The following POLD3 variants were observed in gnomAD, a reference collection of about 807,000 sequenced individuals.
POLD3 encodes the protein DNA polymerase delta 3, accessory subunit.
In POLD3, 19 loss-of-function variants were observed where a neutral mutation model predicts 58.2. That is an observed-to-expected ratio of 0.33 (90% confidence interval 0.23 to 0.48). The LOEUF is 0.48. Among genes scored for constraint, POLD3 ranks in the 20% least tolerant of loss-of-function variants. The probability of loss-of-function intolerance (pLI) is 0.99; values close to 1 mark genes in which losing one functional copy is unlikely to be tolerated. For synonymous variants in POLD3, 172 were observed against 193.5 expected, an observed-to-expected ratio of 0.89 and a Z score of 0.92; for missense variants, 504 against 545.5, an observed-to-expected ratio of 0.92 and a Z score of 0.76.
chr11:74,655,551 T>TA (rs2033123245), intron 4 of POLD3, among the ~76,000 whole-genome samples: 2 of 152,108 alleles, frequency 1.3e-5, no homozygotes, highest in African/African-American at 4.8e-5. Flanking sequence ...ACCTAATTGA[T>TA]ATTTACGGAA....
At chr11:74,626,620 G>A (rs2032440132) in intron 8 of POLD3, among the ~76,000 whole-genome samples, 1 of 152,172 alleles carries the variant, frequency 6.6e-6, no homozygotes, top group African/African-American at 2.4e-5. Context: ...TGCTGGATTA[G>A]ATTTGTTAAT....
intron 11 of POLD3, among the ~76,000 whole-genome samples, chr11:74,639,668 C>T (rs1305982869): frequency 1.3e-5 from 2 of 150,920 alleles, no homozygotes; most frequent in African/African-American, 2.4e-5. Context: ...GGTTATGTGA[C>T]GTCATGGCTG....
intron 4 of POLD3, among the ~76,000 whole-genome samples, chr11:74,653,950 G>A (rs1045798737): frequency 3.9e-5 from 6 of 152,110 alleles, no homozygotes; most frequent in Non-Finnish European, 1.5e-5. Flanking sequence ...CATGGCAGAA[G>A]GTAAAGCAGG....
chr11:74,625,631 T>C, intron 8 of POLD3, 58 bp downstream of exon 8: 1 of 1,422,906 alleles, frequency 7.0e-7, no homozygotes, highest in East Asian at 2.4e-5. Flanking sequence ...AGAAGGTCTC[T>C]TTGGGCTTAT....
chr11:74,624,119 A>G (rs989936684), intron 7 of POLD3, among the ~76,000 whole-genome samples: 17 of 152,032 alleles, frequency 1.1e-4, no homozygotes, highest in African/African-American at 3.4e-4. Context: ...AAAACAATAT[A>G]ATTTATGTGA....
At chr11:74,649,926 ATGT>A (rs1282741077) in intron 4 of POLD3, among the ~76,000 whole-genome samples, 1 of 152,054 alleles carries the variant, frequency 6.6e-6, no homozygotes, top group African/African-American at 2.4e-5. Flanking sequence ...TCACTTTTTG[ATGT>A]TGTAGAAAGT....
At chr11:74,645,324 G>C (rs1424341405), downstream of POLD3, among the ~76,000 whole-genome samples, 2 of 152,164 alleles carry the variant, frequency 1.3e-5, no homozygotes, top group African/African-American at 4.8e-5. Context: ...TTAATTAATG[G>C]AGTTATTTCT....
intron 6 of POLD3, among the ~76,000 whole-genome samples, chr11:74,619,335 A>G (rs1176281903): frequency 6.6e-6 from 1 of 151,882 alleles, no homozygotes; most frequent in African/African-American, 2.4e-5. Context: ...TACTATTTTA[A>G]AAATCCAGAA....
At chr11:74,631,188 A>G (rs971163888) in intron 9 of POLD3, among the ~76,000 whole-genome samples, 1 of 152,236 alleles carries the variant, frequency 6.6e-6, no homozygotes, top group South Asian at 2.1e-4. Flanking sequence ...TGAATATGTC[A>G]TATTAGTTCA....
chr11:74,609,368 ATATATTTTT>A (rs2031818202), intron 3 of POLD3, among the ~76,000 whole-genome samples: 1 of 21,262 alleles, frequency 4.7e-5, no homozygotes, highest in African/African-American at 1.8e-4. Context: ...ATATATATAT[ATATATTTTT>A]TTTTTTTTTT....
intron 8 of POLD3, among the ~76,000 whole-genome samples, chr11:74,628,312 T>A (rs1462252575): frequency 6.6e-6 from 1 of 152,114 alleles, no homozygotes; most frequent in Non-Finnish European, 1.5e-5. Flanking sequence ...AACTTTGGCT[T>A]TGTTAATTTT....
intron 4 of POLD3, among the ~76,000 whole-genome samples, chr11:74,666,573 A>AG (rs2033271089): frequency 2.0e-5 from 3 of 152,048 alleles, no homozygotes; most frequent in African/African-American, 7.2e-5. Flanking sequence ...AGAGAGAGAG[A>AG]AAGAGGACCT....
At chr11:74,597,423 A>G (rs2031313805) in intron 2 of POLD3, among the ~76,000 whole-genome samples, 1 of 152,132 alleles carries the variant, frequency 6.6e-6, no homozygotes, top group Non-Finnish European at 1.5e-5. Flanking sequence ...GGTTATCACT[A>G]TGTTTAAGTT....
intron 4 of POLD3, among the ~76,000 whole-genome samples, chr11:74,653,160 A>C (rs960576539): frequency 6.6e-6 from 1 of 152,234 alleles, no homozygotes; most frequent in African/African-American, 2.4e-5. Context: ...TACAAAAGTA[A>C]TGGCAGTTTT....
chr11:74,651,730 G>T (rs1330741110), intron 4 of POLD3, among the ~76,000 whole-genome samples: 2 of 152,148 alleles, frequency 1.3e-5, no homozygotes, highest in African/African-American at 4.8e-5. Context: ...TCCAGGGTGG[G>T]CATGTGGCTG....
At chr11:74,599,835 G>A (rs193182600) in intron 2 of POLD3, among the ~76,000 whole-genome samples, 131 of 152,220 alleles carry the variant, frequency 8.6e-4, no homozygotes, top group Admixed American at 3.0e-3. Context: ...TACTCATCCT[G>A]GGGAACATTA....
At position 74,642,665 on chromosome 11, in the gene POLD3, T is replaced by C. The variant is rs2032944746; in HGVS notation, c.*1899T>C. The C allele has an allele frequency of 1.0e-6, 1 of 981,366 alleles. No homozygotes were observed. The allele number at this position is 981,366 out of a possible 1,614,324, so 60.8% of individuals were successfully genotyped here. ...AGTATTGAGTGGTGTTTTTTTTTTC[T>C]TTTTATACAATACCATGTTAACCAC... On this transcript the variant is annotated 3_prime_UTR_variant, in exon 12 of 12. Coordinates refer to ENST00000263681, the MANE Select transcript of POLD3 (RefSeq NM_006591.3).
rs2031967238 is a variant in POLD3, at chr11:74,613,030, T to A, written c.392+20T>A. ...CAGCAAGTAAGCGTCTTAATGTTCC[T>A]TGTGGGCTTCTTTACGAATTGATTT... On this transcript the variant is annotated intron_variant, in intron 5 of 11. Coordinates refer to ENST00000263681, the MANE Select transcript of POLD3 (RefSeq NM_006591.3). The A allele has an allele frequency of 6.3e-7, 1 of 1,597,186 alleles. No individual in the cohort carries two copies. The highest frequency in any genetic ancestry group is 1.1e-5 in the South Asian group (1 of 87,990).
At chr11:74,602,014 C>T (rs1259681716) in intron 2 of POLD3, among the ~76,000 whole-genome samples, 2 of 152,174 alleles carry the variant, frequency 1.3e-5, no homozygotes, top group South Asian at 2.1e-4. Flanking sequence ...GATACAGAGC[C>T]CAGAACAAGA....
Sources: gnomAD v4.1 joint callset for allele counts (sites outside exome capture counted in the v4.1 genomes callset) on GRCh38, gnomAD v4.1.1 for gene constraint, MANE v1.5 for transcripts, NCBI Gene and HGNC (gene_info 2026-07-23, HGNC 2026-07-21) for gene names.